Variants in GRID1 observed in about 807,000 individuals in gnomAD.
GRID1 encodes glutamate ionotropic receptor delta type subunit 1, also known as glutamate receptor ionotropic, delta-1.
Under a neutral mutation model 98.0 loss-of-function variants are expected in GRID1, and 28 were observed. The ratio of observed to expected loss-of-function variants is 0.29; its 90% CI spans 0.21 to 0.39. The LOEUF is 0.39. Among genes scored for constraint, GRID1 ranks in the 10% least tolerant of loss-of-function variants. The pLI, the probability that GRID1 is intolerant of heterozygous loss-of-function variation, is 1.00. For synonymous variants in GRID1, 553 were observed against 538.5 expected (o/e 1.03, Z -0.37); for missense variants, 1,111 against 1,340.5 (o/e 0.83, Z 2.67).
At chr10:86,233,085 C>T (rs190926215) in intron 2 of GRID1, among the ~76,000 whole-genome samples, 9 of 152,026 alleles carry the variant, frequency 5.9e-5, no homozygotes, top group South Asian at 4.2e-4. Flanking sequence ...TGCAGGAGAA[C>T]GGGATGTCTA....
At chr10:86,060,489 T>C (rs1843634087) in intron 4 of GRID1, among the ~76,000 whole-genome samples, 1 of 152,148 alleles carries the variant, frequency 6.6e-6, no homozygotes, top group Non-Finnish European at 1.5e-5. Context: ...AGTATATTGG[T>C]GAGAGATCAC....
intron 8 of GRID1, among the ~76,000 whole-genome samples, chr10:85,784,596 C>T (rs962342586): frequency 3.3e-5 from 5 of 152,320 alleles, no homozygotes; most frequent in Admixed American, 6.5e-5. Context: ...ATTCTAGGAC[C>T]GTGTCTGGTG....
At chr10:86,098,092 C>A (rs747670095) in intron 4 of GRID1, among the ~76,000 whole-genome samples, 4 of 152,206 alleles carry the variant, frequency 2.6e-5, no homozygotes, top group Non-Finnish European at 4.4e-5. Flanking sequence ...AACCATGGCA[C>A]CTCTGTTCCA....
At chr10:85,779,122 G>A (rs61855963) in intron 8 of GRID1, among the ~76,000 whole-genome samples, 9,437 of 152,282 alleles carry the variant, frequency 0.062, 397 homozygotes, top group Non-Finnish European at 0.096. Flanking sequence ...CCAAGCTGCT[G>A]TTGGAGAAAA....
intron 2 of GRID1, among the ~76,000 whole-genome samples, chr10:86,293,894 G>C (rs1056874189): frequency 6.6e-6 from 1 of 152,216 alleles, no homozygotes; most frequent in Non-Finnish European, 1.5e-5. Flanking sequence ...TAAGGCTCTA[G>C]TAAAATTAAA....
At chr10:85,750,453 AG>A (rs1438992987) in intron 8 of GRID1, among the ~76,000 whole-genome samples, 1 of 152,248 alleles carries the variant, frequency 6.6e-6, no homozygotes. Flanking sequence ...TTGAAAGGAA[AG>A]AAAACCAGAG....
intron 4 of GRID1, among the ~76,000 whole-genome samples, chr10:85,952,872 C>G (rs1842142679): frequency 6.6e-6 from 1 of 152,166 alleles, no homozygotes; most frequent in South Asian, 2.1e-4. Context: ...GCAAGACCAG[C>G]CCCTCTTCTT....
chr10:85,707,251 C>G (rs945919578), intron 12 of GRID1, among the ~76,000 whole-genome samples: 3 of 151,844 alleles, frequency 2.0e-5, no homozygotes, highest in Non-Finnish European at 2.9e-5. Flanking sequence ...ACTATGAACT[C>G]AAACAAATTT....
intron 7 of GRID1, 143 bp from the exon 8 acceptor site, chr10:85,854,758 T>C: frequency 1.4e-6 from 1 of 728,392 alleles, no homozygotes; most frequent in South Asian, 1.8e-5. Flanking sequence ...GAGGACAAGA[T>C]GGGCTAGTGG....
At chr10:85,760,244 A>G (rs914244459) in intron 8 of GRID1, among the ~76,000 whole-genome samples, 1 of 152,208 alleles carries the variant, frequency 6.6e-6, no homozygotes, top group Non-Finnish European at 1.5e-5. Flanking sequence ...TTTTTGACCT[A>G]TATAAATGGC....
At chr10:86,343,773 G>A (rs940550402) in intron 2 of GRID1, among the ~76,000 whole-genome samples, 1 of 152,244 alleles carries the variant, frequency 6.6e-6, no homozygotes, top group South Asian at 2.1e-4. Flanking sequence ...AGAGAGAATC[G>A]CTGTCATGCA....
intron 4 of GRID1, among the ~76,000 whole-genome samples, chr10:86,059,022 G>C (rs1017442839): frequency 6.6e-6 from 1 of 152,226 alleles, no homozygotes; most frequent in African/African-American, 2.4e-5. Flanking sequence ...ACCAGAGGAA[G>C]TCACCAGAGA....
Position 85,854,660 on chromosome 10 carries a change from G to A in GRID1, c.1114-45C>T, listed in dbSNP as rs371322394. ...CCCATTGGAAAATCTGGTTAAGGTA[G>A]AGGATGGAGTCCCAAAGGCTAAGAG... On this transcript the variant is annotated intron_variant, in intron 7 of 15. Transcript: ENST00000327946. 4 of 1,610,480 alleles carry A rather than the reference G, an allele frequency of 2.5e-6. No homozygotes were observed. The South Asian group carries it at 3.3e-5, about 13-fold the overall frequency.
chr10:85,718,100 G>A (rs182738379), intron 12 of GRID1, among the ~76,000 whole-genome samples: 1 of 152,288 alleles, frequency 6.6e-6, no homozygotes, highest in Admixed American at 6.5e-5. Context: ...CAGGCACACG[G>A]TGCAAGCTGT....
chr10:86,178,049 G>C (rs889818916), intron 3 of GRID1, among the ~76,000 whole-genome samples: 6 of 152,070 alleles, frequency 3.9e-5, no homozygotes, highest in Non-Finnish European at 8.8e-5. Context: ...CAAGTGAGGA[G>C]GACTCTGGCT....
chr10:85,805,191 A>C (rs1315415289), intron 8 of GRID1, among the ~76,000 whole-genome samples: 1 of 151,604 alleles, frequency 6.6e-6, no homozygotes, highest in African/African-American at 2.4e-5. Context: ...GGATACAAAA[A>C]CCTGGTATCT....
At chr10:86,022,627 T>C (rs1843064537) in intron 4 of GRID1, among the ~76,000 whole-genome samples, 1 of 152,052 alleles carries the variant, frequency 6.6e-6, no homozygotes, top group African/African-American at 2.4e-5. Context: ...TGTCAAAAAT[T>C]CCTTTTTTGG....
At chr10:86,105,157 A>G (rs1242266500) in intron 4 of GRID1, among the ~76,000 whole-genome samples, 1 of 152,186 alleles carries the variant, frequency 6.6e-6, no homozygotes, top group Non-Finnish European at 1.5e-5. Flanking sequence ...AGCACTTTTC[A>G]ATTTAACGAG....
At chr10:86,283,531 A>C (rs964156832) in intron 2 of GRID1, among the ~76,000 whole-genome samples, 3 of 145,594 alleles carry the variant, frequency 2.1e-5, no homozygotes, top group African/African-American at 7.8e-5. Flanking sequence ...CCCACATGAC[A>C]CACACACACA....
Sources: allele counts gnomAD v4.1 joint callset (sites outside exome capture counted in the v4.1 genomes callset), GRCh38; gene constraint gnomAD v4.1.1; transcripts MANE v1.5; gene names NCBI Gene and HGNC (gene_info 2026-07-23, HGNC 2026-07-21).